Variants in IFT140 observed in about 807,000 individuals in gnomAD.
IFT140 encodes the protein intraflagellar transport protein 140 homolog.
In IFT140, 133 loss-of-function variants were observed where a neutral mutation model predicts 164.6. The ratio of observed to expected loss-of-function variants is 0.81; its 90% CI spans 0.70 to 0.93. The LOEUF (loss-of-function observed/expected upper bound fraction) is 0.93, where lower values mean the gene tolerates loss of function less well. Among genes scored for constraint, IFT140 ranks in the 40% least tolerant of loss-of-function variants. The probability of loss-of-function intolerance (pLI) is 0.00; values close to 1 mark genes in which losing one functional copy is unlikely to be tolerated. For synonymous variants in IFT140, 860 were observed against 817.3 expected (o/e 1.05, Z -0.89); for missense variants, 2,045 against 1,972.3 (o/e 1.04, Z -0.70).
rs1245477427 is a variant in IFT140 at position 1,587,219 on chromosome 16, C to T, written c.988G>A (p.Val330Met). 1.9e-6 allele frequency: 3 copies of T among 1,610,298 alleles called. No individual in the cohort carries two copies. Among genetic ancestry groups the T allele is most frequent in the East Asian group, 2.2e-5 (1 of 44,858 alleles). ...TCACCTTTGACTTTACAGTAACACACACAGTTCATATTCTCTCCTTTCTCA... is the reference window on the plus strand; with the variant it reads ...TCACCTTTGACTTTACAGTAACACATACAGTTCATATTCTCTCCTTTCTCA... ...GFEKGENMNCVCYCKVKGLLA... is the reference protein window; with the variant it reads ...GFEKGENMNCMCYCKVKGLLA... The change falls in exon 9 of 31, where the codon GTG becomes ATG. Residue 330 changes from valine to methionine, a missense_variant. Transcript: ENST00000426508.
Position 1,581,514 on chromosome 16 carries a change from C to T in IFT140, c.1433-664G>A, listed in dbSNP as rs112236036. ...ACTTGGGAGGCTGAGGCATGAGAATCGCTTGAGCCCAGGAGATGGAGGCTG... is the reference window on the plus strand; with the variant it reads ...ACTTGGGAGGCTGAGGCATGAGAATTGCTTGAGCCCAGGAGATGGAGGCTG... On this transcript the variant is annotated intron_variant, in intron 12 of 30. Coordinates refer to ENST00000426508, the MANE Select transcript of IFT140 (RefSeq NM_014714.4). Among the ~76,000 whole-genome samples the T allele has an allele frequency of 5.3e-3, 804 of 151,564 alleles. 5 individuals carry two copies. Among genetic ancestry groups the T allele is most frequent in the African/African-American group, 0.019 (771 of 41,250 alleles).
At chr16:1,550,709 T>A (rs1462036115) in intron 19 of IFT140, among the ~76,000 whole-genome samples, 2 of 152,214 alleles carry the variant, frequency 1.3e-5, no homozygotes, top group Non-Finnish European at 2.9e-5. Flanking sequence ...CTGGAGAGCC[T>A]TCCCTGCAAG....
In IFT140 at chr16:1,553,109, G is replaced by T. The variant is rs2032806721; in HGVS notation, c.2399+4826C>A. The T allele has an allele frequency of 1.0e-6, 1 of 985,272 alleles. No individual in the cohort carries two copies. Among genetic ancestry groups the T allele is most frequent in the Non-Finnish European group, 1.2e-6 (1 of 829,940 alleles). The allele number at this position is 985,272 out of a possible 1,614,324, so 61.0% of individuals were successfully genotyped here. On this transcript the variant is annotated intron_variant, in intron 19 of 30. Transcript: ENST00000426508. The surrounding 1 kb of genome is among the most constrained non-coding windows in gnomAD (Gnocchi z 4.4). ...ATGCTTAATTCATACTTTCTGGAGG[G>T]TACAGTGATGATGAAAAGATAATGC... is the stretch of plus-strand genomic sequence containing the variant.
intron 3 of IFT140, among the ~76,000 whole-genome samples, chr16:1,606,815 ACACACGCAC>A (rs1298375445): frequency 6.6e-6 from 1 of 152,034 alleles, no homozygotes; most frequent in Non-Finnish European, 1.5e-5. Context: ...TTGAAAATAC[ACACACGCAC>A]CACACGCACA....
At position 1,524,806 on chromosome 16, in the gene IFT140, C is replaced by T. The variant is rs1188930574; in HGVS notation, c.2975G>A (p.Cys992Tyr). The change falls in exon 23 of 31, where the codon TGC becomes TAC. Residue 992 changes from cysteine to tyrosine, a missense_variant. By Grantham distance (194) the Cys-to-Tyr change is radical. Transcript: ENST00000426508. ...TACCTTCTGGACATTGCCCTGGAAG[C>T]AGTGGATGCGGACCAGGGAGAAGTG... Reference protein sequence around the residue: ...RDHFSLVRIHCFQGNVQKAAQ... With the variant: ...RDHFSLVRIHYFQGNVQKAAQ... 1.9e-6 allele frequency: 3 copies of T among 1,610,436 alleles called. No homozygotes were observed. The highest frequency in any genetic ancestry group is 1.7e-6 in the Non-Finnish European group (2 of 1,177,298).
At chr16:1,609,299 A>G (rs1019760095) in intron 2 of IFT140, among the ~76,000 whole-genome samples, 6 of 152,214 alleles carry the variant, frequency 3.9e-5, no homozygotes, top group African/African-American at 1.2e-4. Context: ...TGCAATAACT[A>G]TGAAGGCAAA....
rs548835692 is a variant in IFT140, at chr16:1,609,746, A to C, written c.-32+918T>G. Among the ~76,000 whole-genome samples the C allele has an allele frequency of 5.3e-5, 8 of 152,358 alleles. No individual in the cohort carries two copies. In the East Asian group the frequency reaches 1.5e-3, roughly 29 times the overall value. ...TTAACAAGTTCCCAAAATGAGTATT[A>C]TCAGTATAATTTAAAAAGTTAACAC... On this transcript the variant is annotated intron_variant, in intron 2 of 30. Transcript: ENST00000426508.
At chr16:1,544,863 T>C (rs1236889115) in intron 19 of IFT140, among the ~76,000 whole-genome samples, 2 of 151,940 alleles carry the variant, frequency 1.3e-5, no homozygotes, top group Non-Finnish European at 2.9e-5. Flanking sequence ...TTAGCCAGGA[T>C]GGTCTCGATC....
chr16:1,543,129 GAC>G (rs1479668132), intron 19 of IFT140, among the ~76,000 whole-genome samples: 13 of 152,368 alleles, frequency 8.5e-5, no homozygotes, highest in African/African-American at 3.1e-4. Context: ...CAGAGACAGG[GAC>G]ACAGAGAAAG....
chr16:1,598,703 C>A (rs1184343943), intron 4 of IFT140, among the ~76,000 whole-genome samples: 1 of 152,274 alleles, frequency 6.6e-6, no homozygotes. Context: ...TCCGCTAAGC[C>A]ACAGGGCATG....
intron 19 of IFT140, among the ~76,000 whole-genome samples, chr16:1,548,846 C>A (rs1018198079): frequency 6.6e-6 from 1 of 152,248 alleles, no homozygotes; most frequent in African/African-American, 2.4e-5. Flanking sequence ...AGCAGCACAG[C>A]GAGGCATGTA....
intron 4 of IFT140, among the ~76,000 whole-genome samples, chr16:1,601,188 C>G (rs1464699102): frequency 2.0e-5 from 3 of 150,330 alleles, no homozygotes; most frequent in Non-Finnish European, 4.4e-5. Flanking sequence ...CGCTTGAACT[C>G]AGGATGTAGA....
intron 19 of IFT140, among the ~76,000 whole-genome samples, chr16:1,546,332 G>A (rs1236525293): frequency 1.3e-5 from 2 of 152,194 alleles, no homozygotes; most frequent in African/African-American, 4.8e-5. Context: ...GAGCCCTCAG[G>A]TGTTTCCCAG....
chr16:1,553,888 G>A lies in IFT140; in HGVS notation c.2399+4047C>T. On this transcript the variant is annotated intron_variant, in intron 19 of 30. Transcript: ENST00000426508. This position sits in a 1 kb window ranked among gnomAD's most constrained non-coding sequence, Gnocchi z 4.4. ...TGGTAGACTCTAGTCACGAAACCCT[G>A]ATTTTCCTGTTGTAAGAACTAAAAA... 1.6e-6 allele frequency: 2 copies of A among 1,264,248 alleles called. No homozygotes were observed. Among genetic ancestry groups the A allele is most frequent in the Non-Finnish European group, 2.1e-6 (2 of 974,834 alleles). 78.3% of individuals were successfully genotyped at this position (1,264,248 alleles called of 1,614,324 possible). A position where few individuals can be genotyped will look rare whatever the true frequency, so the allele number is the denominator to read the frequency against.
At position 1,523,589 on chromosome 16, in the gene IFT140, G is replaced by A. The variant is rs368830697; in HGVS notation, c.3382C>T (p.Arg1128Cys). 25 of 1,613,698 alleles carry A rather than the reference G, an allele frequency of 1.5e-5. No homozygotes were observed. The African/African-American group carries it at 2.0e-4, about 13-fold the overall frequency. ...DETSDPALLA[R>C]CSDFFIEHSQ... ...TGCTCGATGAAGAAGTCGGAGCAGC[G>A]GGCCAGGAGCGCAGGGTCTGACGTC... is the stretch of plus-strand genomic sequence containing the variant. Residue 1128 changes from arginine (R) to cysteine (C), a missense_variant, in exon 26 of 31, where the codon CGC becomes TGC. Physicochemically the swap from Arg to Cys is radical, Grantham distance 180 (BLOSUM62 -3). Coordinates refer to ENST00000426508, the MANE Select transcript of IFT140 (RefSeq NM_014714.4).
Position 1,589,686 on chromosome 16 carries a change from C to T in IFT140, c.729G>A (p.Glu243=). Residue 243 remains glutamate, a synonymous_variant, in exon 7 of 31, where the codon GAG becomes GAA. Transcript: ENST00000426508. ...IQMLFYMEKR[E]ALVVVTENLR... Reference sequence around the variant, plus strand: ...GGTTCTCTGTGACCACCACCAGTGCCTCCCTCTTCTCCATGTAGAACAGCA... The same window carrying T: ...GGTTCTCTGTGACCACCACCAGTGCTTCCCTCTTCTCCATGTAGAACAGCA... 6.2e-7 allele frequency: 1 copy of T among 1,614,168 alleles called. No individual in the cohort carries two copies.
At chr16:1,555,682 C>T (rs1368304755) in intron 19 of IFT140, 1 of 152,424 alleles carries the variant, frequency 6.6e-6, no homozygotes, top group Non-Finnish European at 1.5e-5. Flanking sequence ...AAGACCTTTT[C>T]AGAGACCCCG....
chr16:1,574,278 T>C, intron 13 of IFT140, among the ~76,000 whole-genome samples: 1 of 152,124 alleles, frequency 6.6e-6, no homozygotes. Context: ...ACTACTCACT[T>C]AATTACTTAT....
Position 1,525,291 on chromosome 16 carries a change from G to C in IFT140, c.2804C>G (p.Pro935Arg). ...EKSDTHRFEV[P>R]RMLSEDLPSL... is the part of the protein sequence containing the mutation. ...CGGCAGGTCCTCCGACAGCATCCTGGGCACCTCGAAGCGGTGCGTGTCCGA... is the reference window on the plus strand; with the variant it reads ...CGGCAGGTCCTCCGACAGCATCCTGCGCACCTCGAAGCGGTGCGTGTCCGA... Residue 935 changes from proline to arginine, a missense_variant, in exon 22 of 31, where the codon CCC becomes CGC. Transcript: ENST00000426508. The C allele has an allele frequency of 6.2e-7, 1 of 1,612,848 alleles. No homozygotes were observed. Among genetic ancestry groups the C allele is most frequent in the Non-Finnish European group, 8.5e-7 (1 of 1,179,956 alleles).
Sources: gnomAD v4.1 joint callset for allele counts (sites outside exome capture counted in the v4.1 genomes callset) on GRCh38, gnomAD v4.1.1 for gene constraint, Gnocchi (gnomAD v3.1) non-coding constraint, MANE v1.5 for transcripts, NCBI Gene and HGNC (gene_info 2026-07-23, HGNC 2026-07-21) for gene names.